The following MPPED2 variants were observed in gnomAD, a reference collection of about 807,000 sequenced individuals.
The protein encoded by MPPED2 is metallophosphoesterase domain containing 2.
MPPED2 carries 5 observed loss-of-function variants against 33.0 expected under a neutral mutation model. That is an observed-to-expected ratio of 0.15 (90% confidence interval 0.08 to 0.32). MPPED2 has a LOEUF of 0.32. MPPED2 is among the 10% of genes least tolerant of loss of function. The probability of loss-of-function intolerance (pLI) is 1.00; values close to 1 mark genes in which losing one functional copy is unlikely to be tolerated. For missense variants in MPPED2, 275 were observed against 372.1 expected, an observed-to-expected ratio of 0.74 and a Z score of 2.15; for synonymous variants, 136 against 141.9, an observed-to-expected ratio of 0.96 and a Z score of 0.29.
At chr11:30,475,077 G>C (rs1951119325) in intron 4 of MPPED2, among the ~76,000 whole-genome samples, 1 of 152,140 alleles carries the variant, frequency 6.6e-6, no homozygotes, top group Non-Finnish European at 1.5e-5. Context: ...GGATAGATAT[G>C]AAATCTAGAA....
chr11:30,526,608 C>A (rs905764808), intron 3 of MPPED2, among the ~76,000 whole-genome samples: 5 of 151,930 alleles, frequency 3.3e-5, no homozygotes, highest in African/African-American at 1.2e-4. Flanking sequence ...TTAATCTTAT[C>A]TGCCCTTCCT....
chr11:30,465,006 A>G (rs1034900850), intron 4 of MPPED2, among the ~76,000 whole-genome samples: 1 of 152,220 alleles, frequency 6.6e-6, no homozygotes, highest in Non-Finnish European at 1.5e-5. Flanking sequence ...TCTAGGTCTA[A>G]GCAATGTGGT....
chr11:30,417,969 C>T (rs1948450153), intron 4 of MPPED2, among the ~76,000 whole-genome samples: 1 of 152,150 alleles, frequency 6.6e-6, no homozygotes, highest in Non-Finnish European at 1.5e-5. Context: ...AAAGCATTTC[C>T]ACCCTTCCTG....
chr11:30,544,455 C>A (rs573551659), intron 2 of MPPED2, among the ~76,000 whole-genome samples: 1 of 152,248 alleles, frequency 6.6e-6, no homozygotes, highest in Admixed American at 6.5e-5. Flanking sequence ...GTACCAGGTA[C>A]CCTGGTATGT....
chr11:30,434,676 T>A (rs979937338), intron 4 of MPPED2, among the ~76,000 whole-genome samples: 1 of 152,200 alleles, frequency 6.6e-6, no homozygotes, highest in African/African-American at 2.4e-5. Context: ...TAGTGATATT[T>A]AAATAAATTG....
intron 2 of MPPED2, among the ~76,000 whole-genome samples, chr11:30,536,804 A>G (rs781654977): frequency 6.6e-6 from 1 of 151,964 alleles, no homozygotes; most frequent in African/African-American, 2.4e-5. Flanking sequence ...AAAAAAAGAC[A>G]CTGGATGTTA....
intron 2 of MPPED2, among the ~76,000 whole-genome samples, chr11:30,551,750 A>G (rs1955724332): frequency 1.3e-5 from 2 of 152,332 alleles, no homozygotes; most frequent in South Asian, 4.1e-4. Flanking sequence ...GACAAACAGC[A>G]TGGATTTAAA....
chr11:30,385,555 C>G (rs1947693107), exon 7 of MPPED2: 1 of 151,846 alleles, frequency 6.6e-6, no homozygotes, highest in Non-Finnish European at 1.5e-5. Flanking sequence ...TGACCACCCC[C>G]ACCCCCGCCA....
At chr11:30,426,036 T>G (rs1163590868) in intron 4 of MPPED2, among the ~76,000 whole-genome samples, 1 of 152,218 alleles carries the variant, frequency 6.6e-6, no homozygotes, top group Non-Finnish European at 1.5e-5. Flanking sequence ...CAGTAAGTAT[T>G]AGGTTGGTGC....
intron 4 of MPPED2, among the ~76,000 whole-genome samples, chr11:30,457,140 GGAGTA>G (rs1370414624): frequency 6.6e-6 from 1 of 152,094 alleles, no homozygotes; most frequent in Non-Finnish European, 1.5e-5. Flanking sequence ...CAGCATTTAT[GGAGTA>G]CAGCAACATG....
intron 4 of MPPED2, among the ~76,000 whole-genome samples, chr11:30,462,281 G>A (rs1394252499): frequency 2.0e-5 from 3 of 152,040 alleles, no homozygotes; most frequent in Non-Finnish European, 1.5e-5. Context: ...ACAGCAAAAA[G>A]CAAACAAAAT....
At chr11:30,436,070 T>G (rs1483664641) in intron 4 of MPPED2, among the ~76,000 whole-genome samples, 8 of 150,882 alleles carry the variant, frequency 5.3e-5, no homozygotes, top group African/African-American at 2.0e-4. Context: ...TTTTTTTTTT[T>G]TTTTACTAAC....
rs1954348967 is a variant in MPPED2, at chr11:30,528,788, G to A, written c.310+7206C>T. Among the ~76,000 whole-genome samples the A allele has an allele frequency of 2.0e-5, 3 of 152,264 alleles. No homozygotes were observed. In the South Asian group the frequency reaches 6.2e-4, roughly 32 times the overall value. On this transcript the variant is annotated intron_variant, in intron 3 of 6. Coordinates refer to ENST00000358117, the MANE Select transcript of MPPED2 (RefSeq NM_001584.3). The stretch of plus-strand genomic sequence containing the variant: ...CATCTTTTAAAACCCTTTAAAGGGT[G>A]AAGATTTGCTGCCACTGAGGGTACC...
chr11:30,387,414 T>C (rs1458462225), exon 7 of MPPED2: 3 of 152,178 alleles, frequency 2.0e-5, no homozygotes, highest in Admixed American at 2.0e-4. Context: ...TCAGTACTTA[T>C]TGATAAATTC....
At chr11:30,433,572 A>T (rs988220557) in intron 4 of MPPED2, among the ~76,000 whole-genome samples, 1 of 152,132 alleles carries the variant, frequency 6.6e-6, no homozygotes, top group African/African-American at 2.4e-5. Context: ...CTGGAAGCCG[A>T]TCTCCTTGAA....
At chr11:30,501,996 C>T (rs1367835799) in intron 3 of MPPED2, among the ~76,000 whole-genome samples, 3 of 152,112 alleles carry the variant, frequency 2.0e-5, no homozygotes, top group African/African-American at 7.2e-5. Context: ...CTGAGGTTCA[C>T]CAGAGCAGCT....
intron 3 of MPPED2, among the ~76,000 whole-genome samples, chr11:30,508,587 C>A (rs780242524): frequency 1.3e-5 from 2 of 152,152 alleles, no homozygotes; most frequent in Non-Finnish European, 2.9e-5. Context: ...CAAAGTAATA[C>A]CCTTCCTAGA....
chr11:30,415,039 G>A (rs543965406), intron 5 of MPPED2, among the ~76,000 whole-genome samples: 2 of 152,296 alleles, frequency 1.3e-5, no homozygotes, highest in Admixed American at 6.5e-5. Context: ...GGATGATTAT[G>A]GCCTGGAATG....
intron 4 of MPPED2, among the ~76,000 whole-genome samples, chr11:30,435,263 T>A (rs1379399214): frequency 3.3e-5 from 5 of 152,224 alleles, no homozygotes; most frequent in Non-Finnish European, 5.9e-5. Flanking sequence ...CCCTCTACTC[T>A]TTATCTGGTG....
Sources: allele counts gnomAD v4.1 joint callset (sites outside exome capture counted in the v4.1 genomes callset), GRCh38; gene constraint gnomAD v4.1.1; transcripts MANE v1.5; gene names NCBI Gene and HGNC (gene_info 2026-07-23, HGNC 2026-07-21).